Variants in CTNNA3 observed in about 807,000 individuals in gnomAD.
CTNNA3 encodes catenin alpha 3.
Under a neutral mutation model 95.7 loss-of-function variants are expected in CTNNA3, and 76 were observed. The observed-to-expected ratio is 0.79, with a 90% CI of 0.66 to 0.96. The LOEUF is 0.96. CTNNA3 is among the 40% of genes least tolerant of loss of function. The probability of loss-of-function intolerance (pLI) is 0.00; values close to 1 mark genes in which losing one functional copy is unlikely to be tolerated. For synonymous variants in CTNNA3, 431 were observed against 374.4 expected (o/e 1.15, Z -1.74); for missense variants, 1,191 against 1,089.8 (o/e 1.09, Z -1.31).
At chr10:67,347,910 T>G (rs1229033022) in intron 5 of CTNNA3, among the ~76,000 whole-genome samples, 1 of 150,378 alleles carries the variant, frequency 6.6e-6, no homozygotes, top group Non-Finnish European at 1.5e-5. Context: ...TTTTTTCAAC[T>G]AAACACCAAC....
rs576795628 is a variant in CTNNA3, at chr10:66,518,383, T to C, written c.1531+2234A>G. ...TGCTGTCAGTATTACTATGCTAAAC[T>C]ACCTCTACATTGATGAATGTAAGTA... is the stretch of plus-strand genomic sequence containing the variant. On this transcript the variant is annotated intron_variant, in intron 11 of 17. Coordinates refer to ENST00000433211, the MANE Select transcript of CTNNA3 (RefSeq NM_013266.4). Among the ~76,000 whole-genome samples, 20 of 152,272 alleles carry C rather than the reference T, an allele frequency of 1.3e-4. No homozygotes were observed. The South Asian group carries it at 3.9e-3, about 30-fold the overall frequency.
At chr10:65,971,897 G>A (rs1366307222) in intron 16 of CTNNA3, among the ~76,000 whole-genome samples, 1 of 152,006 alleles carries the variant, frequency 6.6e-6, no homozygotes. Flanking sequence ...AAACATAGAT[G>A]CAAAAATCCT....
chr10:67,390,905 T>G (rs1375672444), intron 5 of CTNNA3, among the ~76,000 whole-genome samples: 3 of 151,040 alleles, frequency 2.0e-5, no homozygotes, highest in Admixed American at 6.6e-5. Flanking sequence ...GGGACGTATT[T>G]CAAAATAATA....
At chr10:67,734,452 A>G (rs969630812) in intron 1 of CTNNA3, among the ~76,000 whole-genome samples, 1 of 152,202 alleles carries the variant, frequency 6.6e-6, no homozygotes, top group Non-Finnish European at 1.5e-5. Flanking sequence ...AAAGATATAT[A>G]TGATCCTGGG....
At chr10:66,742,988 G>C (rs1202335364) in intron 9 of CTNNA3, among the ~76,000 whole-genome samples, 1 of 152,068 alleles carries the variant, frequency 6.6e-6, no homozygotes, top group Admixed American at 6.6e-5. Context: ...ATAACAACCT[G>C]AAAGACCAAA....
chr10:66,628,748 T>A (rs1015378975), intron 9 of CTNNA3, among the ~76,000 whole-genome samples: 6 of 152,050 alleles, frequency 3.9e-5, no homozygotes, highest in African/African-American at 1.4e-4. Context: ...ACTAGCCAAA[T>A]CACTGATAGA....
intron 10 of CTNNA3, among the ~76,000 whole-genome samples, chr10:66,533,470 T>C (rs749707207): frequency 6.6e-6 from 1 of 152,118 alleles, no homozygotes; most frequent in Non-Finnish European, 1.5e-5. Context: ...CCAGGTCAGG[T>C]TCCATCTAGG....
intron 15 of CTNNA3, among the ~76,000 whole-genome samples, chr10:66,011,956 C>T (rs2079013001): frequency 6.6e-6 from 1 of 152,288 alleles, no homozygotes; most frequent in Non-Finnish European, 1.5e-5. Context: ...CTGTCTGCAA[C>T]ATAGAATGAC....
chr10:67,668,547 G>A (rs542708453), intron 1 of CTNNA3, among the ~76,000 whole-genome samples: 95 of 152,210 alleles, frequency 6.2e-4, no homozygotes, highest in African/African-American at 2.2e-3. Context: ...TGCGCTTTGG[G>A]GCTAGGCCAC....
intron 5 of CTNNA3, among the ~76,000 whole-genome samples, chr10:67,236,153 A>G (rs1223010141): frequency 6.8e-6 from 1 of 148,030 alleles, no homozygotes; most frequent in Non-Finnish European, 1.5e-5. Context: ...CAGCCATCCC[A>G]TTACTGGGTA....
intron 1 of CTNNA3, among the ~76,000 whole-genome samples, chr10:67,751,383 T>A (rs1312848948): frequency 1.3e-5 from 2 of 152,192 alleles, no homozygotes; most frequent in Non-Finnish European, 2.9e-5. Flanking sequence ...TTTTAGACAT[T>A]TATTTCTGTA....
At chr10:66,889,802 T>C (rs1321030633) in intron 7 of CTNNA3, among the ~76,000 whole-genome samples, 1 of 151,146 alleles carries the variant, frequency 6.6e-6, no homozygotes, top group African/African-American at 2.4e-5. Context: ...TTTTTTTTTT[T>C]TTTTTTGAGA....
intron 13 of CTNNA3, among the ~76,000 whole-genome samples, chr10:66,215,080 T>C (rs990234895): frequency 3.3e-5 from 5 of 152,148 alleles, no homozygotes; most frequent in Non-Finnish European, 5.9e-5. Context: ...AGACTTGATT[T>C]CAGTCCTCAT....
Position 67,530,638 on chromosome 10 carries a change from T to C in CTNNA3, c.460-8677A>G, listed in dbSNP as rs193117890. On this transcript the variant is annotated intron_variant, in intron 4 of 17. Coordinates refer to ENST00000433211, the MANE Select transcript of CTNNA3 (RefSeq NM_013266.4). ...CATAAAGTTTGGAAAATTTGCAACCTGAAAATGTGATAGAAAAGAAAATCA... is the reference window on the plus strand; with the variant it reads ...CATAAAGTTTGGAAAATTTGCAACCCGAAAATGTGATAGAAAAGAAAATCA... Among the ~76,000 whole-genome samples, 12 of 152,316 alleles carry C rather than the reference T, an allele frequency of 7.9e-5. No homozygotes were observed. The East Asian group carries it at 2.1e-3, about 27-fold the overall frequency.
intron 8 of CTNNA3, 71 bp from the exon 9 acceptor site, chr10:66,766,487 TC>T: frequency 7.4e-7 from 1 of 1,348,488 alleles, no homozygotes; most frequent in Non-Finnish European, 1.0e-6. Flanking sequence ...TTTCTTACAA[TC>T]TCAGTAGTTA....
At chr10:66,010,650 T>A (rs2078988898) in intron 15 of CTNNA3, among the ~76,000 whole-genome samples, 4 of 152,226 alleles carry the variant, frequency 2.6e-5, no homozygotes, top group Admixed American at 6.5e-5. Flanking sequence ...TACACTCAGA[T>A]GGCTCCCAAG....
At chr10:66,322,785 G>A (rs1301013474) in intron 12 of CTNNA3, among the ~76,000 whole-genome samples, 2 of 151,874 alleles carry the variant, frequency 1.3e-5, no homozygotes, top group East Asian at 3.9e-4. Context: ...ACAAAATATG[G>A]TGACTTACTG....
intron 6 of CTNNA3, among the ~76,000 whole-genome samples, chr10:67,186,994 T>C (rs1325972623): frequency 6.6e-6 from 1 of 152,196 alleles, no homozygotes; most frequent in Non-Finnish European, 1.5e-5. Flanking sequence ...TAAACAAATA[T>C]ATTTGTATTG....
chr10:67,372,982 A>C (rs1256658238), intron 5 of CTNNA3, among the ~76,000 whole-genome samples: 2 of 152,216 alleles, frequency 1.3e-5, no homozygotes, highest in Non-Finnish European at 2.9e-5. Context: ...GGAAGTACTA[A>C]ACATGGAAAG....
Sources: gnomAD v4.1 joint callset for allele counts (sites outside exome capture counted in the v4.1 genomes callset) on GRCh38, gnomAD v4.1.1 for gene constraint, MANE v1.5 for transcripts, NCBI Gene and HGNC (gene_info 2026-07-23, HGNC 2026-07-21) for gene names.